ZNF644: variants seen among roughly 807,000 people sequenced by gnomAD.
The protein encoded by ZNF644 is zinc finger protein 644.
Under a neutral mutation model 108.0 loss-of-function variants are expected in ZNF644, and 20 were observed. The observed-to-expected ratio is 0.19, with a 90% CI of 0.13 to 0.27. The LOEUF (loss-of-function observed/expected upper bound fraction) is 0.27. ZNF644 is among the 10% of genes least tolerant of loss of function. The probability of loss-of-function intolerance (pLI) is 1.00; values close to 1 mark genes in which losing one functional copy is unlikely to be tolerated. For missense variants in ZNF644, 1,338 were observed against 1,548.9 expected (o/e 0.86, Z 2.29); for synonymous variants, 542 against 539.1 (o/e 1.01, Z -0.08).
chr1:90,958,378 T>C (rs1653980736), intron 2 of ZNF644, among the ~76,000 whole-genome samples: 1 of 152,020 alleles, frequency 6.6e-6, no homozygotes, highest in South Asian at 2.1e-4. Flanking sequence ...CAAGACTTAG[T>C]ATTGTTAAGA....
intron 2 of ZNF644, among the ~76,000 whole-genome samples, chr1:90,961,900 A>G (rs914249991): frequency 1.3e-5 from 2 of 152,128 alleles, no homozygotes; most frequent in African/African-American, 4.8e-5. Context: ...ATGCACAGAT[A>G]GTCTCCATCC....
intron 4 of ZNF644, among the ~76,000 whole-genome samples, chr1:90,926,209 T>C (rs1427330605): frequency 6.6e-6 from 1 of 152,198 alleles, no homozygotes; most frequent in Admixed American, 6.5e-5. Flanking sequence ...AGGATGCCTA[T>C]GAACTCTGTT....
chr1:90,998,083 G>A (rs958542005), intron 1 of ZNF644, among the ~76,000 whole-genome samples: 27 of 152,350 alleles, frequency 1.8e-4, no homozygotes, highest in African/African-American at 6.5e-4. Context: ...CACAGCTCAA[G>A]GAGGCCTGCC....
chr1:90,941,177 T>C lies in ZNF644; in HGVS notation c.177A>G (p.Pro59=), dbSNP rs145653093. The C allele has an allele frequency of 1.8e-3, 2,825 of 1,612,882 alleles. 6 individuals are homozygous for C. Among genetic ancestry groups the C allele is most frequent in the Middle Eastern group, 2.1e-3 (13 of 6,052 alleles). ...TCTGAAATGATGTTTGACAATCTTT[T>C]GGCTTATGAACTCCGCTCTCTTTGT... ...ISDKESGVHK[P]KDCQTSFQKN... The change falls in exon 3 of 6, where the codon CCA becomes CCG. Residue 59 remains proline (P), a synonymous_variant. Coordinates refer to ENST00000337393, the MANE Select transcript of ZNF644 (RefSeq NM_201269.3).
chr1:90,982,058 G>A lies in ZNF644; in HGVS notation c.44+252C>T, dbSNP rs138185052. Among the ~76,000 whole-genome samples, 483 of 152,064 alleles carry A rather than the reference G, an allele frequency of 3.2e-3. 2 individuals are homozygous for A. The highest frequency in any genetic ancestry group is 0.011 in the African/African-American group (449 of 41,534). On this transcript the variant is annotated intron_variant, in intron 2 of 5. Coordinates refer to ENST00000337393, the MANE Select transcript of ZNF644 (RefSeq NM_201269.3). ...TTCTAACATTTTAGAATATTCACTG[G>A]AAACTTGAATGCTTTAGTTAACCTC... is the stretch of plus-strand genomic sequence containing the variant.
intron 2 of ZNF644, among the ~76,000 whole-genome samples, chr1:90,958,232 T>TAAAAAAAA (rs777224217): frequency 6.3e-3 from 260 of 41,076 alleles, no homozygotes; most frequent in Middle Eastern, 0.017. Context: ...GCAAAACTCC[T>TAAAAAAAA]AAAAAAAAAA....
At chr1:90,917,347 C>A (rs1487800686) in intron 5 of ZNF644, among the ~76,000 whole-genome samples, 1 of 152,134 alleles carries the variant, frequency 6.6e-6, no homozygotes, top group Non-Finnish European at 1.5e-5. Flanking sequence ...TATGTTTCTT[C>A]ATGTGTGTTG....
At chr1:91,002,011 G>A (rs1658888043) in intron 1 of ZNF644, among the ~76,000 whole-genome samples, 1 of 152,146 alleles carries the variant, frequency 6.6e-6, no homozygotes, top group Non-Finnish European at 1.5e-5. Flanking sequence ...ACAAACCATT[G>A]CTCAACGAAA....
chr1:91,020,871 A>C (rs1301235244), intron 1 of ZNF644: 4 of 152,246 alleles, frequency 2.6e-5, no homozygotes, highest in Non-Finnish European at 4.4e-5. Context: ...ATTATTAACA[A>C]GACAAGACCA....
chr1:90,953,732 T>C (rs886968662), intron 2 of ZNF644, among the ~76,000 whole-genome samples: 17 of 151,954 alleles, frequency 1.1e-4, no homozygotes, highest in African/African-American at 3.9e-4. Context: ...CTGGCCAACA[T>C]GGGGAAATCC....
chr1:91,005,610 A>G (rs972523529), intron 1 of ZNF644, among the ~76,000 whole-genome samples: 35 of 152,182 alleles, frequency 2.3e-4, no homozygotes, highest in Admixed American at 2.2e-3. Context: ...ATGAAACTAG[A>G]AATCAATACC....
intron 2 of ZNF644, among the ~76,000 whole-genome samples, chr1:90,954,831 C>T (rs563418449): frequency 1.3e-3 from 201 of 152,316 alleles, no homozygotes; most frequent in Non-Finnish European, 2.1e-3. Flanking sequence ...CTTCCAAACT[C>T]ATATTAATGT....
At chr1:91,013,262 C>T (rs983076399) in intron 1 of ZNF644, among the ~76,000 whole-genome samples, 6 of 151,786 alleles carry the variant, frequency 4.0e-5, no homozygotes, top group Non-Finnish European at 7.4e-5. Context: ...TCAGTAGAGA[C>T]GGGATATTTC....
At chr1:91,019,565 G>C (rs934856776) in intron 1 of ZNF644, among the ~76,000 whole-genome samples, 11 of 152,094 alleles carry the variant, frequency 7.2e-5, no homozygotes, top group African/African-American at 2.7e-4. Context: ...CACAGAATAT[G>C]AAAGTTTTTT....
At chr1:90,963,047 A>G (rs753705866) in intron 2 of ZNF644, among the ~76,000 whole-genome samples, 6 of 152,132 alleles carry the variant, frequency 3.9e-5, no homozygotes, top group Non-Finnish European at 7.4e-5. Flanking sequence ...TTTTAAATGT[A>G]ACTAACAAAG....
At chr1:90,924,562 A>C (rs572024087) in intron 4 of ZNF644, among the ~76,000 whole-genome samples, 88 of 152,240 alleles carry the variant, frequency 5.8e-4, no homozygotes, top group African/African-American at 1.9e-3. Context: ...ATTTCCTTTA[A>C]ATTATTTTCA....
chr1:90,957,274 C>T (rs542911582), intron 2 of ZNF644, among the ~76,000 whole-genome samples: 1 of 152,258 alleles, frequency 6.6e-6, no homozygotes, highest in East Asian at 1.9e-4. Context: ...TGAGACAACA[C>T]TTCCTAACAC....
intron 2 of ZNF644, among the ~76,000 whole-genome samples, chr1:90,971,725 C>T (rs1655500179): frequency 6.6e-6 from 1 of 152,000 alleles, no homozygotes; most frequent in African/African-American, 2.4e-5. Context: ...GCAAGAAAAG[C>T]CCACTTCTAC....
rs1330049244 is a variant in ZNF644 at position 90,938,458 on chromosome 1, G to A, written c.2896C>T (p.Pro966Ser). The A allele has an allele frequency of 1.2e-6, 2 of 1,613,934 alleles. No individual in the cohort carries two copies. Among genetic ancestry groups the A allele is most frequent in the Non-Finnish European group, 1.7e-6 (2 of 1,179,914 alleles). ...GTTTCAAATGTTGCTGGGCAGTAAG[G>A]ACACGATTTCTTCTCAAGAGACAAA... ...TDLSLEKKSCPYCPATFETGV... is the reference protein window; with the variant it reads ...TDLSLEKKSCSYCPATFETGV... Residue 966 changes from proline (P) to serine (S), a missense_variant, in exon 3 of 6, where the codon CCT (proline) becomes TCT (serine). Coordinates refer to ENST00000337393, the MANE Select transcript of ZNF644 (RefSeq NM_201269.3). This position sits in a 1 kb window ranked among gnomAD's most constrained non-coding sequence, Gnocchi z 4.2.
Sources: gnomAD v4.1 joint callset for allele counts (sites outside exome capture counted in the v4.1 genomes callset) on GRCh38, gnomAD v4.1.1 for gene constraint, Gnocchi (gnomAD v3.1) non-coding constraint, MANE v1.5 for transcripts, NCBI Gene and HGNC (gene_info 2026-07-23, HGNC 2026-07-21) for gene names.